GRIK3: variants seen among roughly 807,000 people sequenced by gnomAD.
GRIK3 encodes glutamate ionotropic receptor kainate type subunit 3, also known as glutamate receptor ionotropic, kainate 3.
Under a neutral mutation model 102.5 loss-of-function variants are expected in GRIK3, and 29 were observed. That is an observed-to-expected ratio of 0.28 (90% CI 0.21 to 0.39). GRIK3 has a LOEUF of 0.39. Ranked by LOEUF, GRIK3 falls within the 10% of genes least tolerant of loss-of-function variation. The pLI is 1.00. For synonymous variants in GRIK3, 511 were observed against 504.9 expected, an observed-to-expected ratio of 1.01 and a Z score of -0.16; for missense variants, 908 against 1,252.4, an observed-to-expected ratio of 0.73 and a Z score of 4.15.
At chr1:36,841,042 G>A (rs1345429987) in intron 10 of GRIK3, among the ~76,000 whole-genome samples, 4 of 152,176 alleles carry the variant, frequency 2.6e-5, no homozygotes, top group Non-Finnish European at 4.4e-5. Context: ...AGGAAGAACC[G>A]GGACTCGAGC....
At chr1:37,011,330 T>C (rs755819984) in intron 1 of GRIK3, among the ~76,000 whole-genome samples, 6 of 152,218 alleles carry the variant, frequency 3.9e-5, no homozygotes, top group Non-Finnish European at 5.9e-5. Flanking sequence ...CTGAGCTCTA[T>C]GTAGCAGACA....
chr1:36,996,396 G>A (rs1642420024), intron 1 of GRIK3, among the ~76,000 whole-genome samples: 1 of 152,226 alleles, frequency 6.6e-6, no homozygotes, highest in Non-Finnish European at 1.5e-5. Flanking sequence ...GGTGAGCTGA[G>A]CAATGGACAG....
chr1:36,935,742 T>C (rs1475504304), intron 1 of GRIK3, among the ~76,000 whole-genome samples: 1 of 152,172 alleles, frequency 6.6e-6, no homozygotes, highest in Non-Finnish European at 1.5e-5. Context: ...ACAAACTAAC[T>C]GCGAGTCAGG....
chr1:36,980,608 A>G (rs531064396), intron 1 of GRIK3, among the ~76,000 whole-genome samples: 1 of 151,780 alleles, frequency 6.6e-6, no homozygotes, highest in Non-Finnish European at 1.5e-5. Context: ...ACTAACAGGC[A>G]CCTGGGATGC....
At chr1:36,878,742 C>T (rs1230591638) in intron 3 of GRIK3, among the ~76,000 whole-genome samples, 1 of 152,256 alleles carries the variant, frequency 6.6e-6, no homozygotes, top group Non-Finnish European at 1.5e-5. Context: ...CTGGCTCTGG[C>T]ACTCACTAGC....
At chr1:36,908,778 G>GGTGTGT (rs56228690) in intron 1 of GRIK3, among the ~76,000 whole-genome samples, 2,267 of 147,090 alleles carry the variant, frequency 0.015, 51 homozygotes, top group African/African-American at 0.05. Context: ...AATGGGATAG[G>GGTGTGT]GTGTGTGTGT....
At chr1:36,981,246 C>G (rs141986843) in intron 1 of GRIK3, among the ~76,000 whole-genome samples, 10 of 152,302 alleles carry the variant, frequency 6.6e-5, no homozygotes, top group African/African-American at 2.2e-4. Context: ...TCCATGGAAG[C>G]AAGTGGCTGG....
At chr1:36,899,412 C>A (rs770361104) in intron 1 of GRIK3, among the ~76,000 whole-genome samples, 1 of 151,998 alleles carries the variant, frequency 6.6e-6, no homozygotes, top group Non-Finnish European at 1.5e-5. Context: ...GTGAAATAAG[C>A]CAGTCACAAA....
chr1:36,905,832 A>G (rs1641279016), intron 1 of GRIK3, among the ~76,000 whole-genome samples: 1 of 152,226 alleles, frequency 6.6e-6, no homozygotes, highest in Admixed American at 6.5e-5. Context: ...AGGTCTGGTT[A>G]TTACAGATCT....
intron 9 of GRIK3, among the ~76,000 whole-genome samples, chr1:36,845,346 A>G (rs1399925000): frequency 1.3e-5 from 2 of 152,160 alleles, no homozygotes; most frequent in Non-Finnish European, 2.9e-5. Flanking sequence ...CAGGGGTAAT[A>G]TTTCTCTTCA....
chr1:37,006,413 G>C (rs1054739511), intron 1 of GRIK3, among the ~76,000 whole-genome samples: 4 of 152,262 alleles, frequency 2.6e-5, no homozygotes, highest in Non-Finnish European at 5.9e-5. Context: ...AAAGAACAGA[G>C]GTTGCCACGT....
chr1:36,824,775 G>A (rs1390187404), intron 11 of GRIK3, among the ~76,000 whole-genome samples: 1 of 152,042 alleles, frequency 6.6e-6, no homozygotes, highest in African/African-American at 2.4e-5. Context: ...CCCGGGGCAG[G>A]GGCGGACCAC....
chr1:36,970,110 G>A (rs1347120592), intron 1 of GRIK3, among the ~76,000 whole-genome samples: 1 of 152,190 alleles, frequency 6.6e-6, no homozygotes, highest in East Asian at 1.9e-4. Context: ...GGAGACCTGT[G>A]TTAGCAGCCA....
At chr1:36,954,215 C>G (rs976088759) in intron 1 of GRIK3, among the ~76,000 whole-genome samples, 1 of 152,208 alleles carries the variant, frequency 6.6e-6, no homozygotes, top group Admixed American at 6.5e-5. Context: ...CCTCACCAAG[C>G]TCACCTCTCT....
chr1:36,850,145 G>A lies in GRIK3; in HGVS notation c.1326+166C>T, dbSNP rs1640564824. The A allele has an allele frequency of 1.7e-6, 1 of 600,518 alleles. No homozygotes were observed. 37.2% of individuals were successfully genotyped at this position (600,518 alleles called of 1,614,324 possible). ...TCCGCCCGTGGCAGCGAGCAGCGCT[G>A]CTGCGCTCCAGCTGCTCTCTGAGAA... On this transcript the variant is annotated intron_variant, in intron 9 of 15. Transcript: ENST00000373091. This position sits in a 1 kb window ranked among gnomAD's most constrained non-coding sequence, Gnocchi z 4.0.
chr1:36,828,065 A>C (rs1460498464), intron 10 of GRIK3, among the ~76,000 whole-genome samples: 1 of 149,572 alleles, frequency 6.7e-6, no homozygotes, highest in East Asian at 2.0e-4. Flanking sequence ...TATATACAAA[A>C]GAAAGCAGAA....
At chr1:36,818,856 GAA>G (rs1425324046) in intron 12 of GRIK3, among the ~76,000 whole-genome samples, 5 of 152,188 alleles carry the variant, frequency 3.3e-5, no homozygotes, top group African/African-American at 1.2e-4. Context: ...GTCCCTCAGT[GAA>G]ACTCTAACAG....
At chr1:37,007,106 A>C (rs1037639932) in intron 1 of GRIK3, among the ~76,000 whole-genome samples, 1 of 152,232 alleles carries the variant, frequency 6.6e-6, no homozygotes, top group Non-Finnish European at 1.5e-5. Flanking sequence ...TAGGGGGCAC[A>C]GCTAGCAGAG....
chr1:37,019,891 T>C (rs962067614), intron 1 of GRIK3, among the ~76,000 whole-genome samples: 1 of 152,168 alleles, frequency 6.6e-6, no homozygotes, highest in African/African-American at 2.4e-5. Context: ...GTAGCTACCA[T>C]AGCTCACTTC....
Sources: allele counts gnomAD v4.1 joint callset (sites outside exome capture counted in the v4.1 genomes callset), GRCh38; gene constraint gnomAD v4.1.1; non-coding constraint Gnocchi (gnomAD v3.1); transcripts MANE v1.5; gene names NCBI Gene and HGNC (gene_info 2026-07-23, HGNC 2026-07-21).